RASGRF1: variants seen among roughly 807,000 people sequenced by gnomAD.
RASGRF1 encodes the protein ras-specific guanine nucleotide-releasing factor 1.
A neutral mutation model predicts 138.7 loss-of-function variants in RASGRF1; 40 were observed. The observed-to-expected ratio is 0.29, with a 90% CI of 0.22 to 0.38. The LOEUF (loss-of-function observed/expected upper bound fraction) is 0.38. Ranked by LOEUF, RASGRF1 falls within the 10% of genes least tolerant of loss-of-function variation. The pLI is 1.00. For synonymous variants in RASGRF1, 614 were observed against 663.2 expected (o/e 0.93, Z 1.14); for missense variants, 1,108 against 1,650.4 (o/e 0.67, Z 5.69).
Position 79,058,397 on chromosome 15 carries a change from C to T in RASGRF1, c.468G>A (p.Val156=). The change falls in exon 3 of 27, where the codon GTG becomes GTA. Residue 156 remains valine, a synonymous_variant. Coordinates refer to ENST00000558480, the MANE Select transcript of RASGRF1 (RefSeq NM_001145648.3). ...LLQIVETEKT[V]AKQLRQQIED... is the part of the protein sequence containing the mutation. ...CGATCTGCTGCCGAAGCTGCTTGGC[C>T]ACGGTCTTCTCTGTCTCCACGATCT... 1 of 1,614,180 alleles carries T rather than the reference C, an allele frequency of 6.2e-7. No homozygotes were observed. Among genetic ancestry groups the T allele is most frequent in the Non-Finnish European group, 8.5e-7 (1 of 1,180,032 alleles).
intron 1 of RASGRF1, among the ~76,000 whole-genome samples, chr15:79,083,026 G>C (rs772303510): frequency 9.2e-5 from 14 of 152,180 alleles, no homozygotes; most frequent in Non-Finnish European, 1.6e-4. Context: ...CACAGAGATG[G>C]GGAAACTGAG....
chr15:79,044,436 G>A (rs748695795), intron 5 of RASGRF1, among the ~76,000 whole-genome samples: 1 of 152,158 alleles, frequency 6.6e-6, no homozygotes, highest in Non-Finnish European at 1.5e-5. Flanking sequence ...CTGATGGTGG[G>A]GTTTGCATGG....
rs189693465 is a variant in RASGRF1, at chr15:79,067,825, A to C, written c.277-3299T>G. Reference sequence around the variant, plus strand: ...TAGATGGGTGGGGGGCAGGTGGGAGAGGGAGAAGCCTACAGAGACACAGAG... The same window carrying C: ...TAGATGGGTGGGGGGCAGGTGGGAGCGGGAGAAGCCTACAGAGACACAGAG... On this transcript the variant is annotated intron_variant, in intron 1 of 26. Coordinates refer to ENST00000558480, the MANE Select transcript of RASGRF1 (RefSeq NM_001145648.3). Among the ~76,000 whole-genome samples the C allele has an allele frequency of 2.0e-3, 298 of 152,202 alleles. 1 individual carries two copies. Among genetic ancestry groups the C allele is most frequent in the Non-Finnish European group, 2.9e-3 (196 of 68,000 alleles).
At chr15:78,980,969 T>C (rs2056014199) in intron 23 of RASGRF1, 2 of 320,776 alleles carry the variant, frequency 6.2e-6, no homozygotes, top group African/African-American at 4.2e-5. Flanking sequence ...CCCTTGGAAA[T>C]GCTGCAGGAT....
At chr15:78,971,757 G>T in intron 26 of RASGRF1, 109 bp downstream of exon 26, 1 of 1,071,986 alleles carries the variant, frequency 9.3e-7, no homozygotes, top group Non-Finnish European at 1.4e-6. Context: ...CTGGGCTCGA[G>T]AGAATTCTGG....
chr15:79,061,413 A>ATATATATAT (rs1567598878), intron 2 of RASGRF1, among the ~76,000 whole-genome samples: 268 of 117,046 alleles, frequency 2.3e-3, no homozygotes, highest in Non-Finnish European at 2.3e-3. Context: ...CTATCTTTAA[A>ATATATATAT]ATATATATAT....
intron 22 of RASGRF1, 188 bp from the exon 23 acceptor site, chr15:78,985,392 T>A (rs1049636666): frequency 6.9e-6 from 4 of 579,124 alleles, no homozygotes; most frequent in Non-Finnish European, 1.2e-5. Flanking sequence ...GAAAAGTTTA[T>A]ATATACATTA....
intron 26 of RASGRF1, among the ~76,000 whole-genome samples, chr15:78,963,274 T>G (rs901463405): frequency 1.6e-4 from 25 of 152,082 alleles, no homozygotes; most frequent in Admixed American, 2.6e-4. Flanking sequence ...TTTTCCCCGC[T>G]ACATAAATCC....
intron 20 of RASGRF1, among the ~76,000 whole-genome samples, chr15:78,993,665 C>G (rs2056328815): frequency 6.6e-6 from 1 of 152,110 alleles, no homozygotes; most frequent in Non-Finnish European, 1.5e-5. Flanking sequence ...CAGCCACCTT[C>G]CCATCTGAGG....
chr15:79,007,417 T>C (rs2056701759), intron 13 of RASGRF1, among the ~76,000 whole-genome samples: 1 of 152,260 alleles, frequency 6.6e-6, no homozygotes, highest in Non-Finnish European at 1.5e-5. Context: ...TGTGAGTCTT[T>C]GTAATCATGT....
chr15:78,982,783 G>A (rs142249280), intron 23 of RASGRF1, among the ~76,000 whole-genome samples: 2 of 152,218 alleles, frequency 1.3e-5, no homozygotes, highest in East Asian at 3.9e-4. Flanking sequence ...CGAGGCTTTT[G>A]TCTCCACTAA....
At chr15:78,967,827 T>C (rs1480523956) in intron 26 of RASGRF1, among the ~76,000 whole-genome samples, 1 of 152,202 alleles carries the variant, frequency 6.6e-6, no homozygotes, top group African/African-American at 2.4e-5. Context: ...TAGTGTAGTG[T>C]TTCCCCCACT....
chr15:79,054,844 G>A (rs2057488911), intron 3 of RASGRF1, among the ~76,000 whole-genome samples: 1 of 152,236 alleles, frequency 6.6e-6, no homozygotes, highest in African/African-American at 2.4e-5. Flanking sequence ...AGGAAGCCAT[G>A]AGAAGTGCAG....
intron 8 of RASGRF1, 70 bp downstream of exon 8, chr15:79,031,330 A>C: frequency 2.5e-6 from 3 of 1,213,950 alleles, no homozygotes; most frequent in Non-Finnish European, 3.5e-6. Flanking sequence ...GGTTCAGCGA[A>C]CTCCTGGTGA....
chr15:79,036,184 A>G (rs1341815057), intron 5 of RASGRF1, among the ~76,000 whole-genome samples: 2 of 151,756 alleles, frequency 1.3e-5, no homozygotes, highest in East Asian at 1.9e-4. Context: ...CTGCCCAACC[A>G]TTTTCCCTCT....
intron 14 of RASGRF1, chr15:79,004,744 G>A: frequency 2.0e-6 from 2 of 985,762 alleles, no homozygotes; most frequent in Non-Finnish European, 2.4e-6. Context: ...TCCACCTCAG[G>A]CCAGGCTGGA....
At chr15:78,991,938 G>C (rs1595877487) in intron 20 of RASGRF1, 144 bp from the exon 21 acceptor site, 1 of 645,198 alleles carries the variant, frequency 1.5e-6, no homozygotes, top group East Asian at 2.7e-5. Context: ...AATCTGATGA[G>C]AGGGTGGATG....
intron 22 of RASGRF1, among the ~76,000 whole-genome samples, chr15:78,988,129 C>T (rs941753595): frequency 2.0e-5 from 3 of 152,174 alleles, no homozygotes; most frequent in Non-Finnish European, 2.9e-5. Context: ...AGACCGTGTG[C>T]GTTCAAAATT....
At chr15:79,042,506 G>A (rs1354252491) in intron 5 of RASGRF1, among the ~76,000 whole-genome samples, 2 of 152,200 alleles carry the variant, frequency 1.3e-5, no homozygotes, top group African/African-American at 4.8e-5. Flanking sequence ...TCCAACAGAG[G>A]GTGCATGCCC....
Sources: allele counts gnomAD v4.1 joint callset (sites outside exome capture counted in the v4.1 genomes callset), GRCh38; gene constraint gnomAD v4.1.1; transcripts MANE v1.5; gene names NCBI Gene and HGNC (gene_info 2026-07-23, HGNC 2026-07-21).